KCNMB2: variants seen among roughly 807,000 people sequenced by gnomAD.
KCNMB2 encodes the protein calcium-activated potassium channel subunit beta-2.
KCNMB2 carries 9 observed loss-of-function variants against 24.5 expected under a neutral mutation model. That is an observed-to-expected ratio of 0.37 (90% CI 0.22 to 0.64). The LOEUF (loss-of-function observed/expected upper bound fraction) is 0.64. Ranked by LOEUF, KCNMB2 falls within the 30% of genes least tolerant of loss-of-function variation. The pLI is 0.63. For missense variants in KCNMB2, 226 were observed against 284.3 expected (o/e 0.79, Z 1.47); for synonymous variants, 109 against 104.4 (o/e 1.04, Z -0.27).
chr3:178,586,151 A>G (rs992896556), intron 1 of KCNMB2, among the ~76,000 whole-genome samples: 1 of 152,184 alleles, frequency 6.6e-6, no homozygotes, highest in African/African-American at 2.4e-5. Flanking sequence ...GGATGTGTCA[A>G]GAGGGGATTT....
intron 1 of KCNMB2, among the ~76,000 whole-genome samples, chr3:178,568,818 ATAGATAGATAGATGATAGATAG>A (rs1716642996): frequency 1.6e-5 from 1 of 61,954 alleles, no homozygotes; most frequent in African/African-American, 8.7e-5. Context: ...TAGATAGATA[ATAGATAGATAGATGATAGATAG>A]ATAGATAGAT....
chr3:178,609,721 CT>C (rs1718412345), intron 1 of KCNMB2, among the ~76,000 whole-genome samples: 1 of 151,974 alleles, frequency 6.6e-6, no homozygotes, highest in African/African-American at 2.4e-5. Flanking sequence ...ACTGCAACCT[CT>C]GCCTCCCAGG....
chr3:178,540,852 A>G (rs1408203251), intron 1 of KCNMB2, among the ~76,000 whole-genome samples: 4 of 152,182 alleles, frequency 2.6e-5, no homozygotes, highest in African/African-American at 9.7e-5. Context: ...TTTATTGTCT[A>G]TCTCCCTTCT....
chr3:178,832,086 G>A (rs915939441), intron 4 of KCNMB2, among the ~76,000 whole-genome samples: 60 of 151,524 alleles, frequency 4.0e-4, no homozygotes, highest in Non-Finnish European at 2.8e-4. Context: ...TTTATTATTC[G>A]TATTCCTTTA....
intron 1 of KCNMB2, among the ~76,000 whole-genome samples, chr3:178,717,526 T>C (rs531028265): frequency 4.6e-5 from 7 of 152,196 alleles, no homozygotes; most frequent in Non-Finnish European, 1.0e-4. Context: ...CTCCCCTGAG[T>C]TTGCTTCAAC....
In KCNMB2 at chr3:178,742,070, T is replaced by C. The variant is rs1033296225; in HGVS notation, c.-67-65273T>C. Among the ~76,000 whole-genome samples the C allele has an allele frequency of 9.8e-5, 15 of 152,322 alleles. No individual in the cohort carries two copies. In the South Asian group the frequency reaches 3.1e-3, roughly 32 times the overall value. On this transcript the variant is annotated intron_variant, in intron 1 of 4. Transcript: ENST00000452583. ...AAGTCTAACCAACTGTTAATATCTA[T>C]AATAAAAATACATTTGACTACAGAA...
At chr3:178,595,417 A>C (rs1401642125) in intron 1 of KCNMB2, among the ~76,000 whole-genome samples, 1 of 152,086 alleles carries the variant, frequency 6.6e-6, no homozygotes, top group East Asian at 1.9e-4. Flanking sequence ...GGTCCTGCTC[A>C]TCCTTAGCTG....
At chr3:178,708,705 A>C (rs964023532) in intron 1 of KCNMB2, among the ~76,000 whole-genome samples, 5 of 152,096 alleles carry the variant, frequency 3.3e-5, no homozygotes, top group African/African-American at 1.2e-4. Flanking sequence ...TTTAATTCTC[A>C]GCAAAAAAAA....
At chr3:178,544,390 T>G (rs937852662) in intron 1 of KCNMB2, among the ~76,000 whole-genome samples, 7 of 152,146 alleles carry the variant, frequency 4.6e-5, no homozygotes, top group South Asian at 2.1e-4. Context: ...CTAAAGCACA[T>G]GGTGGGACCT....
At chr3:178,706,139 T>C (rs562873990) in intron 1 of KCNMB2, among the ~76,000 whole-genome samples, 1 of 152,252 alleles carries the variant, frequency 6.6e-6, no homozygotes, top group Non-Finnish European at 1.5e-5. Flanking sequence ...TTCCTGCCTT[T>C]GGTGTCAGCA....
At chr3:178,721,022 T>C (rs1722786502) in intron 1 of KCNMB2, among the ~76,000 whole-genome samples, 1 of 152,024 alleles carries the variant, frequency 6.6e-6, no homozygotes, top group African/African-American at 2.4e-5. Context: ...CCATTGCTTT[T>C]GGTGTTTTAG....
At chr3:178,690,537 G>A (rs1379997179) in intron 1 of KCNMB2, among the ~76,000 whole-genome samples, 1 of 152,126 alleles carries the variant, frequency 6.6e-6, no homozygotes, top group Non-Finnish European at 1.5e-5. Flanking sequence ...GAAGGAAGAA[G>A]GAAGAGAAAG....
intron 1 of KCNMB2, among the ~76,000 whole-genome samples, chr3:178,760,370 GAT>G (rs10540433): frequency 0.38 from 31,192 of 82,044 alleles, 7,131 homozygotes; most frequent in African/African-American, 0.55. Context: ...CCATATCCAA[GAT>G]ATATATATTA....
chr3:178,610,502 T>G (rs1292778213), intron 1 of KCNMB2, among the ~76,000 whole-genome samples: 1 of 152,190 alleles, frequency 6.6e-6, no homozygotes, highest in African/African-American at 2.4e-5. Context: ...ATATATAATT[T>G]TATGTGTGGC....
chr3:178,539,640 C>T (rs1438414387), intron 1 of KCNMB2, among the ~76,000 whole-genome samples: 2 of 151,978 alleles, frequency 1.3e-5, no homozygotes, highest in African/African-American at 4.8e-5. Flanking sequence ...TTTCTTGGTA[C>T]TTCAAGAAAA....
intron 1 of KCNMB2, among the ~76,000 whole-genome samples, chr3:178,757,434 C>T (rs202236146): frequency 6.2e-5 from 2 of 32,358 alleles, no homozygotes. Flanking sequence ...GTATATATAT[C>T]CAAGAGGATA....
At position 178,539,417 on chromosome 3, in the gene KCNMB2, G is replaced by A. The variant is rs372711797; in HGVS notation, c.-68+2706G>A. ...TTTTATTCTCTTCATACATTTGCACGGTTGCATTTTTTTTCAAAGAGCATC... is the reference window on the plus strand; with the variant it reads ...TTTTATTCTCTTCATACATTTGCACAGTTGCATTTTTTTTCAAAGAGCATC... On this transcript the variant is annotated intron_variant, in intron 1 of 4. Transcript: ENST00000452583. 7.6e-4 allele frequency among the ~76,000 whole-genome samples: 115 copies of A among 152,112 alleles called. No individual in the cohort carries two copies. In the Middle Eastern group the frequency reaches 0.01, roughly 13 times the overall value.
chr3:178,684,034 C>A (rs549239411), intron 1 of KCNMB2, among the ~76,000 whole-genome samples: 2 of 152,250 alleles, frequency 1.3e-5, no homozygotes, highest in East Asian at 3.9e-4. Context: ...AGGATCACCA[C>A]TTTGTATCTG....
intron 1 of KCNMB2, among the ~76,000 whole-genome samples, chr3:178,611,251 G>A (rs1646806107): frequency 6.6e-6 from 1 of 152,054 alleles, no homozygotes; most frequent in South Asian, 2.1e-4. Flanking sequence ...TCAGTTTACG[G>A]GCATATAGTT....
Sources: allele counts gnomAD v4.1 joint callset (sites outside exome capture counted in the v4.1 genomes callset), GRCh38; gene constraint gnomAD v4.1.1; transcripts MANE v1.5; gene names NCBI Gene and HGNC (gene_info 2026-07-23, HGNC 2026-07-21).